Variants in PREX2 observed in about 807,000 individuals in gnomAD.
PREX2 encodes phosphatidylinositol 3,4,5-trisphosphate-dependent Rac exchanger 2 protein.
Under a neutral mutation model 203.2 loss-of-function variants are expected in PREX2, and 107 were observed. The observed-to-expected ratio is 0.53, with a 90% confidence interval of 0.45 to 0.62. The LOEUF is 0.62. PREX2 is among the 20% of genes least tolerant of loss of function. PREX2 has a pLI of 0.00. For synonymous variants in PREX2, 672 were observed against 663.6 expected (o/e 1.01, Z -0.19); for missense variants, 1,777 against 1,955.9 (o/e 0.91, Z 1.72).
chr8:68,012,606 C>T (rs748954181), intron 1 of PREX2, among the ~76,000 whole-genome samples: 3 of 152,106 alleles, frequency 2.0e-5, no homozygotes, highest in South Asian at 2.1e-4. Context: ...TCAATGCCCA[C>T]GAGGCTGAGT....
At chr8:68,219,818 C>A (rs1278130561) in intron 38 of PREX2, among the ~76,000 whole-genome samples, 2 of 152,192 alleles carry the variant, frequency 1.3e-5, no homozygotes, top group Non-Finnish European at 2.9e-5. Flanking sequence ...CCAACTCTTA[C>A]CTACCTATGA....
At chr8:67,996,409 G>C (rs11785899) in intron 1 of PREX2, among the ~76,000 whole-genome samples, 74,601 of 151,414 alleles carry the variant, frequency 0.49, 18,737 homozygotes, top group South Asian at 0.61. Context: ...GCCCAAGTTG[G>C]TCTCAAATTC....
chr8:68,172,742 G>A (rs778079311), intron 35 of PREX2, among the ~76,000 whole-genome samples: 5 of 152,160 alleles, frequency 3.3e-5, no homozygotes, highest in Non-Finnish European at 7.4e-5. Context: ...AAAGGGGAAA[G>A]GAGAAATTGT....
At chr8:68,103,981 A>G (rs1471696115) in intron 23 of PREX2, among the ~76,000 whole-genome samples, 1 of 151,992 alleles carries the variant, frequency 6.6e-6, no homozygotes, top group Non-Finnish European at 1.5e-5. Context: ...CACGCTTCAC[A>G]TGTTCCAAAT....
Position 67,952,403 on chromosome 8 carries a change from G to A in PREX2, c.9G>A (p.Glu3=). ...GCGCACCGCCGCCGACCATGAGCGA[G>A]GACAGCCGCGGAGACAGCCGCGCCG... is the stretch of plus-strand genomic sequence containing the variant. The part of the protein sequence containing the change: MS[E]DSRGDSRAES... The change falls in exon 1 of 40, where the codon GAG becomes GAA. Residue 3 remains glutamate, a synonymous_variant. Transcript: ENST00000288368. 8.4e-6 allele frequency: 13 copies of A among 1,555,598 alleles called. No individual in the cohort carries two copies. The highest frequency in any genetic ancestry group is 1.1e-5 in the Non-Finnish European group (13 of 1,151,730).
intron 37 of PREX2, among the ~76,000 whole-genome samples, chr8:68,205,529 A>T (rs1812605618): frequency 6.6e-6 from 1 of 152,206 alleles, no homozygotes; most frequent in Non-Finnish European, 1.5e-5. Flanking sequence ...GCCTATGTAG[A>T]ACCGTACCAG....
Position 67,977,245 on chromosome 8 carries a change from G to A in PREX2, c.141+24710G>A, listed in dbSNP as rs534772179. Among the ~76,000 whole-genome samples the A allele has an allele frequency of 2.8e-4, 42 of 152,312 alleles. No individual in the cohort carries two copies. The South Asian group carries it at 2.9e-3, about 11-fold the overall frequency. Reference sequence around the variant, plus strand: ...AGGATATAAGGAGAAATCATCAGAAGAGGGTCCTCACCATAGCCTGCTGGC... The same window carrying A: ...AGGATATAAGGAGAAATCATCAGAAAAGGGTCCTCACCATAGCCTGCTGGC... On this transcript the variant is annotated intron_variant, in intron 1 of 39. Coordinates refer to ENST00000288368, the MANE Select transcript of PREX2 (RefSeq NM_024870.4).
chr8:68,093,031 A>G (rs1311737632), intron 20 of PREX2, among the ~76,000 whole-genome samples: 1 of 152,188 alleles, frequency 6.6e-6, no homozygotes, highest in Non-Finnish European at 1.5e-5. Context: ...ATTTTGGAAT[A>G]TATCCTATTT....
rs766032740 is a variant in PREX2, at chr8:68,093,663, A to G, written c.2309A>G (p.Lys770Arg). The G allele has an allele frequency of 6.2e-6, 10 of 1,612,134 alleles. No homozygotes were observed. Among genetic ancestry groups the G allele is most frequent in the Admixed American group, 1.7e-5 (1 of 59,956 alleles). Residue 770 changes from lysine (K) to arginine (R), a missense_variant, in exon 21 of 40, where the codon AAA (lysine) becomes AGA (arginine). Lys to Arg is a conservative substitution (Grantham distance 26, BLOSUM62 2). Transcript: ENST00000288368. ...SIESAQEDLQ[K>R]SHSKPPGDEA... ...GAGAGTGCTCAAGAAGACCTTCAAA[A>G]ATCTCACTCCAAGCCCCCTGGAGAT...
chr8:67,997,181 T>A (rs1806790445), intron 1 of PREX2, among the ~76,000 whole-genome samples: 1 of 152,186 alleles, frequency 6.6e-6, no homozygotes, highest in African/African-American at 2.4e-5. Context: ...TGCAATTACT[T>A]TTGCACCAAC....
intron 35 of PREX2, among the ~76,000 whole-genome samples, chr8:68,159,660 G>A (rs1242397177): frequency 6.6e-6 from 1 of 152,094 alleles, no homozygotes; most frequent in Non-Finnish European, 1.5e-5. Context: ...CTTTCCAAGG[G>A]TTTTTTTAAT....
rs1811159023 is a variant in PREX2, at chr8:68,138,574, A to T, written c.4087+57A>T. The T allele has an allele frequency of 5.1e-6, 4 of 780,022 alleles. No individual in the cohort carries two copies. The East Asian group carries it at 8.1e-5, about 16-fold the overall frequency. 48.3% of individuals were successfully genotyped at this position (780,022 alleles called of 1,614,324 possible). A position where few individuals can be genotyped will look rare whatever the true frequency, so the allele number is the denominator to read the frequency against. On this transcript the variant is annotated intron_variant, in intron 33 of 39. Transcript: ENST00000288368. The stretch of plus-strand genomic sequence containing the variant: ...GGCATCAAATAATTATATATGATAT[A>T]ACTTTGGTATTAATATATTTGATAA...
chr8:68,190,113 G>A (rs2033581), intron 35 of PREX2, among the ~76,000 whole-genome samples: 102,264 of 151,988 alleles, frequency 0.67, 34,645 homozygotes, highest in Admixed American at 0.78. Context: ...TAGCGTTGTC[G>A]CTCACTGATT....
chr8:68,032,194 G>A (rs555610991), intron 6 of PREX2, among the ~76,000 whole-genome samples: 2 of 152,208 alleles, frequency 1.3e-5, no homozygotes, highest in Non-Finnish European at 1.5e-5. Flanking sequence ...GAGAAAATGG[G>A]GCATTGAGAC....
chr8:68,078,873 G>A (rs1238216358), intron 15 of PREX2, among the ~76,000 whole-genome samples: 1 of 152,092 alleles, frequency 6.6e-6, no homozygotes, highest in Non-Finnish European at 1.5e-5. Flanking sequence ...TCATACCAAA[G>A]TCTGACAGTA....
In PREX2 at chr8:68,088,191, A is replaced by G. The variant is rs555568261; in HGVS notation, c.2113+382A>G. 7.2e-5 allele frequency among the ~76,000 whole-genome samples: 11 copies of G among 152,298 alleles called. No individual in the cohort carries two copies. In the South Asian group the frequency reaches 2.3e-3, roughly 32 times the overall value. On this transcript the variant is annotated intron_variant, in intron 19 of 39. Transcript: ENST00000288368. The stretch of plus-strand genomic sequence containing the variant: ...AGTTGATCTGTGGACTTTATAACCT[A>G]TTGCTATATACTTCCTTCGGGTACT...
chr8:68,015,289 G>A (rs898241449), intron 1 of PREX2, among the ~76,000 whole-genome samples: 3 of 152,274 alleles, frequency 2.0e-5, no homozygotes, highest in Non-Finnish European at 2.9e-5. Context: ...ACGATTTTGC[G>A]TTCTCAGCAA....
chr8:67,987,336 AT>A (rs1221006059), intron 1 of PREX2, among the ~76,000 whole-genome samples: 1 of 152,100 alleles, frequency 6.6e-6, no homozygotes, highest in African/African-American at 2.4e-5. Flanking sequence ...CAGAACCACT[AT>A]TAGCACCATA....
At chr8:68,133,545 A>C (rs926381572) in intron 31 of PREX2, among the ~76,000 whole-genome samples, 64 of 152,362 alleles carry the variant, frequency 4.2e-4, no homozygotes, top group African/African-American at 1.4e-3. Flanking sequence ...TTTGCTTATA[A>C]TTGCAAACAA....
Sources: gnomAD v4.1 joint callset for allele counts (sites outside exome capture counted in the v4.1 genomes callset) on GRCh38, gnomAD v4.1.1 for gene constraint, MANE v1.5 for transcripts, NCBI Gene and HGNC (gene_info 2026-07-23, HGNC 2026-07-21) for gene names.